The following DTD1 variants were observed in gnomAD, a reference collection of about 807,000 sequenced individuals.
The protein encoded by DTD1 is D-aminoacyl-tRNA deacylase 1, also known as D-tyrosyl-tRNA deacylase 1 homolog.
A neutral mutation model predicts 25.6 loss-of-function variants in DTD1; 13 were observed. That is an observed-to-expected ratio of 0.51 (90% confidence interval 0.33 to 0.81). The LOEUF (loss-of-function observed/expected upper bound fraction) is 0.81. Ranked by LOEUF, DTD1 falls within the 30% of genes least tolerant of loss-of-function variation. The pLI is 0.02. For synonymous variants in DTD1, 110 were observed against 103.6 expected (o/e 1.06, Z -0.37); for missense variants, 193 against 266.4 (o/e 0.72, Z 1.92).
Position 18,750,295 on chromosome 20 carries a change from C to G in DTD1, c.*19+6024C>G, listed in dbSNP as rs78152318. Among the ~76,000 whole-genome samples, 208 of 152,278 alleles carry G rather than the reference C, an allele frequency of 1.4e-3. 8 individuals carry two copies. The East Asian group carries it at 0.031, about 23-fold the overall frequency. On this transcript the variant is annotated intron_variant, in intron 5 of 5. Transcript: ENST00000377452. Reference sequence around the variant, plus strand: ...AAATCACCACCAAATATTCAGATATCTATGAGAGCTGGATTAAATGGTGAC... The same window carrying G: ...AAATCACCACCAAATATTCAGATATGTATGAGAGCTGGATTAAATGGTGAC...
chr20:18,694,650 C>A (rs373178762), intron 4 of DTD1, among the ~76,000 whole-genome samples: 1 of 152,152 alleles, frequency 6.6e-6, no homozygotes, highest in African/African-American at 2.4e-5. Context: ...GAGCAGCAGC[C>A]GGGCCTTCCG....
chr20:18,635,578 G>A (rs919299158), intron 4 of DTD1, among the ~76,000 whole-genome samples: 7 of 152,204 alleles, frequency 4.6e-5, no homozygotes, highest in Non-Finnish European at 8.8e-5. Context: ...GCTCTGCACA[G>A]TCAGAATTTA....
intron 4 of DTD1, among the ~76,000 whole-genome samples, chr20:18,640,627 GA>G (rs771232323): frequency 5.0e-5 from 7 of 140,924 alleles, no homozygotes; most frequent in Non-Finnish European, 1.1e-4. Context: ...TCTATCTGCA[GA>G]ATTTTTTTTT....
intron 4 of DTD1, among the ~76,000 whole-genome samples, chr20:18,739,688 C>T (rs2061269468): frequency 6.6e-6 from 1 of 152,246 alleles, no homozygotes; most frequent in African/African-American, 2.4e-5. Context: ...TGACATTTTG[C>T]TTGAGCTCAT....
intron 4 of DTD1, among the ~76,000 whole-genome samples, chr20:18,736,360 C>T (rs1399250611): frequency 6.6e-6 from 1 of 152,202 alleles, no homozygotes; most frequent in Non-Finnish European, 1.5e-5. Context: ...ACAAAGTGCT[C>T]AGCTCTCCAA....
At chr20:18,763,183 T>G (rs1272420185) in intron 5 of DTD1, among the ~76,000 whole-genome samples, 177 bp from the exon 6 acceptor site, 2 of 152,178 alleles carry the variant, frequency 1.3e-5, no homozygotes, top group Non-Finnish European at 2.9e-5. Context: ...GTATTTGGGT[T>G]TGTACATGGC....
chr20:18,620,697 C>A (rs931413309), intron 3 of DTD1, among the ~76,000 whole-genome samples: 2 of 152,014 alleles, frequency 1.3e-5, no homozygotes, highest in Non-Finnish European at 1.5e-5. Context: ...TGGGCTCAAG[C>A]AATCCTCCTG....
chr20:18,729,208 G>A (rs570505657), intron 4 of DTD1, among the ~76,000 whole-genome samples: 2 of 152,190 alleles, frequency 1.3e-5, no homozygotes, highest in Non-Finnish European at 2.9e-5. Context: ...TTTCCATGTT[G>A]CCCAGGCTGG....
At position 18,618,869 on chromosome 20, in the gene DTD1, T is replaced by C. The variant is rs527314824; in HGVS notation, c.371-9258T>C. ...CTGGGATTACAGGCACCTGCCACCATGCCCAGCTAATTTTTGTATTTTTAG... is the reference window on the plus strand; with the variant it reads ...CTGGGATTACAGGCACCTGCCACCACGCCCAGCTAATTTTTGTATTTTTAG... On this transcript the variant is annotated intron_variant, in intron 3 of 5. Transcript: ENST00000377452. Among the ~76,000 whole-genome samples the C allele has an allele frequency of 9.9e-5, 15 of 151,952 alleles. No individual in the cohort carries two copies. In the South Asian group the frequency reaches 2.1e-3, roughly 21 times the overall value.
chr20:18,743,319 G>A (rs1485951177), intron 4 of DTD1, among the ~76,000 whole-genome samples: 1 of 152,242 alleles, frequency 6.6e-6, no homozygotes, highest in Non-Finnish European at 1.5e-5. Context: ...AACTGAGACG[G>A]TGTTCAGTGT....
chr20:18,588,516 G>A (rs1296819357), intron 1 of DTD1, among the ~76,000 whole-genome samples: 1 of 152,222 alleles, frequency 6.6e-6, no homozygotes, highest in Non-Finnish European at 1.5e-5. Context: ...CCTTTTCACT[G>A]CTGTATTTTA....
At chr20:18,639,563 C>T (rs1015650278) in intron 4 of DTD1, among the ~76,000 whole-genome samples, 27 of 151,916 alleles carry the variant, frequency 1.8e-4, no homozygotes, top group African/African-American at 4.8e-4. Flanking sequence ...TGGGCTCCAG[C>T]GTGCCTCTTG....
At chr20:18,676,908 A>G (rs1010435620) in intron 4 of DTD1, among the ~76,000 whole-genome samples, 3 of 152,218 alleles carry the variant, frequency 2.0e-5, no homozygotes, top group African/African-American at 7.2e-5. Flanking sequence ...AGGGCAGGAA[A>G]GGGAAGGAGA....
intron 4 of DTD1, among the ~76,000 whole-genome samples, chr20:18,708,234 ATATATATAT>A (rs2061137131): frequency 6.4e-4 from 2 of 3,120 alleles, no homozygotes; most frequent in Non-Finnish European, 2.3e-3. Flanking sequence ...TATATATTTT[ATATATATAT>A]AATATATATT....
chr20:18,745,141 G>C (rs2061295138), intron 5 of DTD1, among the ~76,000 whole-genome samples: 1 of 152,194 alleles, frequency 6.6e-6, no homozygotes, highest in Non-Finnish European at 1.5e-5. Flanking sequence ...TGCCATCTCA[G>C]CAGCCTACTT....
chr20:18,730,000 G>A (rs2061234759), intron 4 of DTD1, among the ~76,000 whole-genome samples: 1 of 152,038 alleles, frequency 6.6e-6, no homozygotes. Context: ...GGTGGGGCCT[G>A]TGTGTGCTCT....
At chr20:18,726,995 G>C (rs1255784248) in intron 4 of DTD1, among the ~76,000 whole-genome samples, 1 of 152,232 alleles carries the variant, frequency 6.6e-6, no homozygotes, top group African/African-American at 2.4e-5. Flanking sequence ...GCCTTGGCTG[G>C]CTGAGAGTCT....
Position 18,628,569 on chromosome 20 carries a change from G to A in DTD1, c.477+336G>A, listed in dbSNP as rs116304337. Reference sequence around the variant, plus strand: ...GCAGAGCAATGGCCCTGGATTGGCCGGTTCACCCATTCCGAATGGTTACCT... The same window carrying A: ...GCAGAGCAATGGCCCTGGATTGGCCAGTTCACCCATTCCGAATGGTTACCT... On this transcript the variant is annotated intron_variant, in intron 4 of 5. Transcript: ENST00000377452. 8.9e-3 allele frequency among the ~76,000 whole-genome samples: 1,358 copies of A among 152,248 alleles called. 21 individuals are homozygous for A. The highest frequency in any genetic ancestry group is 0.031 in the African/African-American group (1,287 of 41,538).
intron 4 of DTD1, among the ~76,000 whole-genome samples, chr20:18,715,757 A>G (rs1355865707): frequency 1.3e-5 from 2 of 152,132 alleles, no homozygotes; most frequent in African/African-American, 2.4e-5. Context: ...ACATGGAAAC[A>G]TTTCCCATAA....
Sources: allele counts gnomAD v4.1 joint callset (sites outside exome capture counted in the v4.1 genomes callset), GRCh38; gene constraint gnomAD v4.1.1; transcripts MANE v1.5; gene names NCBI Gene and HGNC (gene_info 2026-07-23, HGNC 2026-07-21).